SQSTM1: variants seen among roughly 807,000 people sequenced by gnomAD.
The protein encoded by SQSTM1 is sequestosome-1.
A neutral mutation model predicts 45.1 loss-of-function variants in SQSTM1; 36 were observed. The ratio of observed to expected loss-of-function variants is 0.80; its 90% CI spans 0.61 to 1.05. SQSTM1 has a LOEUF of 1.05. Among genes scored for constraint, SQSTM1 ranks in the 50% least tolerant of loss-of-function variants. The probability of loss-of-function intolerance (pLI) is 0.00; values close to 1 mark genes in which losing one functional copy is unlikely to be tolerated. For missense variants in SQSTM1, 617 were observed against 607.1 expected (o/e 1.02, Z -0.17); for synonymous variants, 290 against 244.3 (o/e 1.19, Z -1.74).
upstream of SQSTM1, chr5:179,820,786 G>C (rs908168121): frequency 2.6e-4 from 179 of 675,712 alleles, no homozygotes; most frequent in Admixed American, 2.1e-3. Flanking sequence ...TCTGCAGGGC[G>C]GCTCTCGCGC....
At chr5:179,807,027 C>T in intron 1 of SQSTM1, 1 of 151,518 alleles carries the variant, frequency 6.6e-6, no homozygotes, top group South Asian at 2.1e-4. Context: ...CGCAGCACCG[C>T]CGTCGCCGGC....
chr5:179,815,462 G>A (rs916404341), upstream of SQSTM1, among the ~76,000 whole-genome samples: 3 of 151,816 alleles, frequency 2.0e-5, no homozygotes, highest in Admixed American at 6.6e-5. Context: ...TGGGGTATAC[G>A]TCATGGGTCA....
At chr5:179,831,260 G>A (rs1434402968) in intron 5 of SQSTM1, among the ~76,000 whole-genome samples, 1 of 152,156 alleles carries the variant, frequency 6.6e-6, no homozygotes, top group Non-Finnish European at 1.5e-5. Context: ...CACAGCAAGC[G>A]GCACTCTCTA....
chr5:179,810,903 CAATTTTTTTAAGGAAA>C (rs1414879628), intron 1 of SQSTM1, among the ~76,000 whole-genome samples: 1 of 151,544 alleles, frequency 6.6e-6, no homozygotes, highest in Non-Finnish European at 1.5e-5. Context: ...TGCGGGCCAA[CAATTTTTTTAAGGAAA>C]AAAAAAAAGT....
intron 1 of SQSTM1, among the ~76,000 whole-genome samples, 165 bp downstream of exon 1, chr5:179,821,306 C>T (rs1710958053): frequency 6.6e-6 from 1 of 152,216 alleles, no homozygotes; most frequent in Non-Finnish European, 1.5e-5. Context: ...CCAGTTCGGC[C>T]ATGGGAGCCG....
intron 1 of SQSTM1, among the ~76,000 whole-genome samples, chr5:179,809,073 G>T (rs1757310315): frequency 6.7e-6 from 1 of 149,282 alleles, no homozygotes; most frequent in African/African-American, 2.5e-5. Flanking sequence ...TAGCCAGGAT[G>T]GTCTCGATCT....
intron 1 of SQSTM1, chr5:179,821,438 C>T: frequency 1.6e-6 from 1 of 611,820 alleles, no homozygotes; most frequent in Non-Finnish European, 3.0e-6. Flanking sequence ...CGCTCCACCC[C>T]CCGCGCTGTT....
intron 7 of SQSTM1, chr5:179,835,071 T>G (rs1035384630): frequency 5.4e-5 from 11 of 205,264 alleles, no homozygotes; most frequent in Non-Finnish European, 1.1e-4. Context: ...GCAGAGACGC[T>G]CCTCACCTCC....
At chr5:179,811,101 C>T (rs1322067719) in intron 1 of SQSTM1, among the ~76,000 whole-genome samples, 2 of 151,934 alleles carry the variant, frequency 1.3e-5, no homozygotes, top group African/African-American at 2.4e-5. Flanking sequence ...GGAGTGGTGG[C>T]GGGCACCTGT....
In SQSTM1 at chr5:179,806,540, C is replaced by G; in HGVS notation, c.-208C>G. 7.5e-7 allele frequency: 1 copy of G among 1,334,510 alleles called. No individual in the cohort carries two copies. The highest frequency in any genetic ancestry group is 1.4e-5 in the South Asian group (1 of 70,796). The allele number at this position is 1,334,510 out of a possible 1,614,324, so 82.7% of individuals were successfully genotyped here. A position where few individuals can be genotyped will look rare whatever the true frequency, so the allele number is the denominator to read the frequency against. On this transcript the variant is annotated 5_prime_UTR_variant, in exon 1 of 6. Coordinates refer to the SQSTM1 transcript ENST00000514093. The surrounding 1 kb of genome is among the most constrained non-coding windows in gnomAD (Gnocchi z 4.6). ...GGACAGCGAGAGGAAGGCGCACAGG[C>G]AGAAGAGCAGCAGCGTCAGGAAGGT... is the stretch of plus-strand genomic sequence containing the variant.
Position 179,820,957 on chromosome 5 carries a change from G to A in SQSTM1, c.21G>A (p.Lys7=). 6.4e-7 allele frequency: 1 copy of A among 1,571,124 alleles called. No homozygotes were observed. Among genetic ancestry groups the A allele is most frequent in the South Asian group, 1.1e-5 (1 of 87,630 alleles). Residue 7 remains lysine, a synonymous_variant, in exon 1 of 8, where the codon AAG becomes AAA. Coordinates refer to ENST00000389805, the MANE Select transcript of SQSTM1 (RefSeq NM_003900.5). MASLTV[K]AYLLGKEDAA... ...TCGCTATGGCGTCGCTCACCGTGAA[G>A]GCCTACCTTCTGGGCAAGGAGGACG...
At chr5:179,816,366 T>C (rs1757577340), upstream of SQSTM1, among the ~76,000 whole-genome samples, 1 of 152,190 alleles carries the variant, frequency 6.6e-6, no homozygotes, top group Admixed American at 6.5e-5. Context: ...GCCAGGCTGG[T>C]CTCGAACTCC....
upstream of SQSTM1, among the ~76,000 whole-genome samples, chr5:179,817,480 G>T (rs1757619977): frequency 6.6e-6 from 1 of 152,222 alleles, no homozygotes; most frequent in African/African-American, 2.4e-5. Flanking sequence ...AATTTATTTG[G>T]AGAAATTCGC....
Position 179,806,701 on chromosome 5 carries a change from C to T in SQSTM1, c.-157+110C>T, listed in dbSNP as rs1426847862. The T allele has an allele frequency of 2.1e-5, 2 of 94,572 alleles. No homozygotes were observed. Among genetic ancestry groups the T allele is most frequent in the African/African-American group, 7.9e-5 (2 of 25,326 alleles). The allele number at this position is 94,572 out of a possible 1,614,324, so 5.9% of individuals were successfully genotyped here. A position where few individuals can be genotyped will look rare whatever the true frequency, so the allele number is the denominator to read the frequency against. On this transcript the variant is annotated intron_variant, in intron 1 of 5. Coordinates refer to the SQSTM1 transcript ENST00000514093. The surrounding 1 kb of genome is among the most constrained non-coding windows in gnomAD (Gnocchi z 4.6). ...GGCGGCAGGGGCCCCGGCCCCGGGTCGGGGAGGGGCGGGGGGCCCGGGGCC... is the reference window on the plus strand; with the variant it reads ...GGCGGCAGGGGCCCCGGCCCCGGGTTGGGGAGGGGCGGGGGGCCCGGGGCC...
chr5:179,812,325 A>G (rs1757452460), intron 2 of SQSTM1: 1 of 152,210 alleles, frequency 6.6e-6, no homozygotes, highest in Non-Finnish European at 1.5e-5. Flanking sequence ...GGCCTGCAGA[A>G]AGGCTGGGGT....
At chr5:179,826,598 GT>G (rs549477595) in intron 5 of SQSTM1, among the ~76,000 whole-genome samples, 2,506 of 142,210 alleles carry the variant, frequency 0.018, 86 homozygotes, top group African/African-American at 0.06. Context: ...TCGCTAGTCT[GT>G]TTTTTTTTTT....
rs1758567665 is a variant in SQSTM1, at chr5:179,836,572, A to C, written c.1302A>C (p.Ser434=). The C allele has an allele frequency of 1.9e-6, 3 of 1,613,978 alleles. No individual in the cohort carries two copies. Among genetic ancestry groups the C allele is most frequent in the Non-Finnish European group, 2.5e-6 (3 of 1,180,016 alleles). ...CGGCTCTGGACACCATCCAGTATTC[A>C]AAGCATCCCCCGCCGTTGTGACCAC... The part of the protein sequence containing the change: ...IGAALDTIQY[S]KHPPPL Residue 434 remains serine, a synonymous_variant, in exon 8 of 8, where the codon TCA becomes TCC. Transcript: ENST00000389805.
upstream of SQSTM1, among the ~76,000 whole-genome samples, chr5:179,817,206 C>T (rs1483750554): frequency 1.3e-5 from 2 of 152,226 alleles, no homozygotes; most frequent in African/African-American, 4.8e-5. Flanking sequence ...TCCAGTGACC[C>T]CCACATCCCT....
Position 179,824,218 on chromosome 5 carries a change from C to A in SQSTM1, c.568C>A (p.His190Asn). 1 of 1,613,908 alleles carries A rather than the reference C, an allele frequency of 6.2e-7. No individual in the cohort carries two copies. The highest frequency in any genetic ancestry group is 1.7e-5 in the Admixed American group (1 of 60,028). ...CAGCCGCTGGCTCCGGAAGGTGAAACACGGACACTTCGGGTGGCCAGGATG... is the reference window on the plus strand; with the variant it reads ...CAGCCGCTGGCTCCGGAAGGTGAAAAACGGACACTTCGGGTGGCCAGGATG... The part of the protein sequence containing the change: ...SHSRWLRKVK[H>N]GHFGWPGWEM... The change falls in exon 4 of 8, where the codon CAC becomes AAC. Residue 190 changes from histidine to asparagine, a missense_variant. By Grantham distance (68) the His-to-Asn change is moderately conservative. Coordinates refer to ENST00000389805, the MANE Select transcript of SQSTM1 (RefSeq NM_003900.5).
Sources: allele counts gnomAD v4.1 joint callset (sites outside exome capture counted in the v4.1 genomes callset), GRCh38; gene constraint gnomAD v4.1.1; non-coding constraint Gnocchi (gnomAD v3.1); transcripts MANE v1.5; gene names NCBI Gene and HGNC (gene_info 2026-07-23, HGNC 2026-07-21).